SLC8A1: variants seen among roughly 807,000 people sequenced by gnomAD.
The protein encoded by SLC8A1 is solute carrier family 8 member A1.
Under a neutral mutation model 68.3 loss-of-function variants are expected in SLC8A1, and 18 were observed. That is an observed-to-expected ratio of 0.26 (90% CI 0.18 to 0.39). SLC8A1 has a LOEUF of 0.39. Ranked by LOEUF, SLC8A1 falls within the 10% of genes least tolerant of loss-of-function variation. SLC8A1 has a pLI of 1.00. For synonymous variants in SLC8A1, 475 were observed against 415.5 expected, an observed-to-expected ratio of 1.14 and a Z score of -1.74; for missense variants, 985 against 1,156.7, an observed-to-expected ratio of 0.85 and a Z score of 2.15.
At chr2:40,115,210 A>G in exon 8 of SLC8A1, 1 of 1,326,794 alleles carries the variant, frequency 7.5e-7, no homozygotes. Flanking sequence ...ATTTTTATGT[A>G]TATATATGTA....
chr2:40,223,719 A>G (rs763592747), intron 2 of SLC8A1: 1 of 152,094 alleles, frequency 6.6e-6, no homozygotes, highest in Non-Finnish European at 1.5e-5. Flanking sequence ...TCACAATACT[A>G]GATGCTGGGC....
chr2:40,128,250 T>C (rs2038564663), intron 7 of SLC8A1, among the ~76,000 whole-genome samples: 1 of 152,252 alleles, frequency 6.6e-6, no homozygotes, highest in Admixed American at 6.5e-5. Context: ...AAAATACCAG[T>C]GGGCTTAAAT....
At chr2:40,262,014 G>A (rs2064776671) in intron 2 of SLC8A1, among the ~76,000 whole-genome samples, 1 of 150,528 alleles carries the variant, frequency 6.6e-6, no homozygotes, top group African/African-American at 2.4e-5. Flanking sequence ...CCAGGCCGGA[G>A]TGCAGTGGTG....
intron 1 of SLC8A1, among the ~76,000 whole-genome samples, chr2:40,436,706 C>T (rs375682763): frequency 6.6e-5 from 10 of 152,028 alleles, no homozygotes; most frequent in African/African-American, 2.4e-4. Flanking sequence ...AGAGGCCCTA[C>T]ACAAGGGAAA....
intron 6 of SLC8A1, among the ~76,000 whole-genome samples, chr2:40,144,187 C>T (rs1046629191): frequency 1.3e-5 from 2 of 152,166 alleles, no homozygotes; most frequent in Non-Finnish European, 2.9e-5. Flanking sequence ...CATTATCATT[C>T]ATTTCCCCAA....
chr2:40,164,814 G>GGTGA, intron 5 of SLC8A1, 40 bp downstream of exon 8: 1 of 1,610,634 alleles, frequency 6.2e-7, no homozygotes. Flanking sequence ...TCTGTCCCAA[G>GGTGA]GTGAGACTGG....
rs565655702 is a variant in SLC8A1, at chr2:40,098,418, TAGTC to T, written c.*16831_*16834del. 407 of 152,170 alleles carry T rather than the reference TAGTC, an allele frequency of 2.7e-3. 2 individuals carry two copies. The highest frequency in any genetic ancestry group is 9.4e-3 in the African/African-American group (392 of 41,570). The allele number at this position is 152,170 out of a possible 1,614,324, so 9.4% of individuals were successfully genotyped here. A position where few individuals can be genotyped will look rare whatever the true frequency, so the allele number is the denominator to read the frequency against. On this transcript the variant is annotated 3_prime_UTR_variant, in exon 8 of 8. Transcript: ENST00000406785. The stretch of plus-strand genomic sequence containing the variant: ...ACAACTTAAATATTCTTGGTGCACA[TAGTC>T]TGTCAACCTTCTGTACAACATTGTT...
At chr2:40,439,435 C>T (rs1328576155) in intron 1 of SLC8A1, among the ~76,000 whole-genome samples, 2 of 152,094 alleles carry the variant, frequency 1.3e-5, no homozygotes, top group African/African-American at 4.8e-5. Context: ...TAGGGGGCAG[C>T]CCCTACTCTT....
chr2:40,341,289 C>T (rs74659446), intron 2 of SLC8A1, among the ~76,000 whole-genome samples: 3,930 of 152,192 alleles, frequency 0.026, 63 homozygotes, highest in Middle Eastern at 0.054. Flanking sequence ...ATATATGTCT[C>T]AAATTTGGAT....
At chr2:40,507,663 T>G (rs1221906143) in intron 1 of SLC8A1, among the ~76,000 whole-genome samples, 1 of 152,024 alleles carries the variant, frequency 6.6e-6, no homozygotes, top group African/African-American at 2.4e-5. Context: ...TTTTTACTAG[T>G]TGTGTGATCT....
chr2:40,399,350 C>T (rs867050816), intron 2 of SLC8A1, among the ~76,000 whole-genome samples: 29 of 152,206 alleles, frequency 1.9e-4, no homozygotes, highest in Middle Eastern at 3.4e-3. Context: ...TTCACATACC[C>T]CACACTAGGA....
intron 1 of SLC8A1, among the ~76,000 whole-genome samples, chr2:40,465,735 T>C (rs765268097): frequency 2.6e-5 from 4 of 152,228 alleles, no homozygotes; most frequent in Non-Finnish European, 5.9e-5. Flanking sequence ...TATTTTTTTA[T>C]ACAAGGAGTA....
chr2:40,281,860 T>C (rs1459302534), intron 2 of SLC8A1, among the ~76,000 whole-genome samples: 1 of 152,212 alleles, frequency 6.6e-6, no homozygotes, highest in Non-Finnish European at 1.5e-5. Context: ...GAAGTGATTC[T>C]TCATCCTGGG....
intron 7 of SLC8A1, among the ~76,000 whole-genome samples, chr2:40,126,729 ACT>A (rs1328335539): frequency 6.6e-6 from 1 of 151,794 alleles, no homozygotes; most frequent in Admixed American, 6.6e-5. Context: ...CCACATAAAC[ACT>A]CTCCATTCTA....
At chr2:40,343,533 A>C (rs1379487185) in intron 2 of SLC8A1, among the ~76,000 whole-genome samples, 1 of 152,226 alleles carries the variant, frequency 6.6e-6, no homozygotes, top group Non-Finnish European at 1.5e-5. Context: ...ACCTATTGAG[A>C]TCAGGTGACA....
chr2:40,410,781 T>C (rs1691874811), intron 2 of SLC8A1, among the ~76,000 whole-genome samples: 1 of 152,072 alleles, frequency 6.6e-6, no homozygotes, highest in Non-Finnish European at 1.5e-5. Flanking sequence ...TTGCATGTCA[T>C]TTTCTTATTA....
At chr2:40,396,938 T>C (rs756306623) in intron 2 of SLC8A1, among the ~76,000 whole-genome samples, 16 of 152,112 alleles carry the variant, frequency 1.1e-4, no homozygotes, top group Non-Finnish European at 2.1e-4. Flanking sequence ...CTTTGTCATT[T>C]TGCACAAGGT....
chr2:40,346,867 A>G (rs1273722474), intron 2 of SLC8A1, among the ~76,000 whole-genome samples: 2 of 152,178 alleles, frequency 1.3e-5, no homozygotes, highest in East Asian at 3.8e-4. Flanking sequence ...TTCAGCCAGC[A>G]TCTGTCTGTG....
chr2:40,328,819 G>C (rs896645331), intron 2 of SLC8A1, among the ~76,000 whole-genome samples: 27 of 151,896 alleles, frequency 1.8e-4, no homozygotes, highest in African/African-American at 5.6e-4. Context: ...CTGGACTATT[G>C]CAAGGGCTCC....
Sources: gnomAD v4.1 joint callset for allele counts (sites outside exome capture counted in the v4.1 genomes callset) on GRCh38, gnomAD v4.1.1 for gene constraint, MANE v1.5 for transcripts, NCBI Gene and HGNC (gene_info 2026-07-23, HGNC 2026-07-21) for gene names.